LEPR: variants seen among roughly 807,000 people sequenced by gnomAD.
LEPR encodes leptin receptor, also known as OB receptor.
A neutral mutation model predicts 114.7 loss-of-function variants in LEPR; 56 were observed. The ratio of observed to expected loss-of-function variants is 0.49; its 90% CI spans 0.39 to 0.61. The LOEUF is 0.61. Ranked by LOEUF, LEPR falls within the 20% of genes least tolerant of loss-of-function variation. The pLI, the probability that LEPR is intolerant of heterozygous loss-of-function variation, is 0.00. For synonymous variants in LEPR, 443 were observed against 461.4 expected (o/e 0.96, Z 0.51); for missense variants, 1,202 against 1,352.9 (o/e 0.89, Z 1.75).
chr1:65,491,412 G>A (rs185858362), intron 2 of LEPR, among the ~76,000 whole-genome samples: 4 of 152,184 alleles, frequency 2.6e-5, no homozygotes, highest in South Asian at 2.1e-4. Context: ...AAAATCTAAC[G>A]AGCTTATGTT....
intron 7 of LEPR, among the ~76,000 whole-genome samples, chr1:65,598,227 C>G (rs889174240): frequency 4.0e-5 from 6 of 151,368 alleles, no homozygotes; most frequent in African/African-American, 1.5e-4. Flanking sequence ...AGCCACCATG[C>G]CTGACCAGGC....
At chr1:65,475,008 A>G in intron 2 of LEPR, among the ~76,000 whole-genome samples, 1 of 118,412 alleles carries the variant, frequency 8.4e-6, no homozygotes, top group Non-Finnish European at 1.7e-5. Flanking sequence ...CTCCATCTCA[A>G]AAAAAAAAAA....
intron 2 of LEPR, among the ~76,000 whole-genome samples, chr1:65,454,219 G>A (rs569165701): frequency 1.3e-5 from 2 of 152,174 alleles, no homozygotes; most frequent in African/African-American, 4.8e-5. Context: ...ACACTGATGG[G>A]TCTTGACTCC....
At chr1:65,555,324 A>C (rs973667425) in intron 2 of LEPR, among the ~76,000 whole-genome samples, 1 of 152,238 alleles carries the variant, frequency 6.6e-6, no homozygotes, top group African/African-American at 2.4e-5. Flanking sequence ...CAACTTCAGC[A>C]ATCAGTTTGA....
At chr1:65,472,865 C>T (rs1417192748) in intron 2 of LEPR, among the ~76,000 whole-genome samples, 1 of 152,156 alleles carries the variant, frequency 6.6e-6, no homozygotes, top group African/African-American at 2.4e-5. Context: ...TGAAGCAAAG[C>T]ACATCTGTTC....
chr1:65,510,044 A>T (rs941543983), intron 2 of LEPR, among the ~76,000 whole-genome samples: 6 of 152,202 alleles, frequency 3.9e-5, no homozygotes, highest in Admixed American at 2.0e-4. Flanking sequence ...GATGGAAACC[A>T]CCCTATGGAA....
intron 14 of LEPR, among the ~76,000 whole-genome samples, chr1:65,610,985 C>T (rs1259770593): frequency 6.6e-6 from 1 of 152,122 alleles, no homozygotes; most frequent in Non-Finnish European, 1.5e-5. Flanking sequence ...AAGACCAAAG[C>T]CTCTGTAAAA....
chr1:65,588,646 CCTA>C (rs1366273821), intron 5 of LEPR, among the ~76,000 whole-genome samples: 1 of 152,020 alleles, frequency 6.6e-6, no homozygotes, highest in African/African-American at 2.4e-5. Flanking sequence ...TAGCACATAG[CCTA>C]CTATTACTCT....
chr1:65,564,954 G>T (rs374659470), intron 2 of LEPR, among the ~76,000 whole-genome samples: 1 of 152,198 alleles, frequency 6.6e-6, no homozygotes, highest in Non-Finnish European at 1.5e-5. Flanking sequence ...CGGACTTCAT[G>T]TGGGTATATT....
At chr1:65,535,236 ATGTTATCTCTT>A (rs1359095730) in intron 2 of LEPR, among the ~76,000 whole-genome samples, 6 of 151,524 alleles carry the variant, frequency 4.0e-5, no homozygotes, top group Non-Finnish European at 5.9e-5. Flanking sequence ...TAGTAGTAAG[ATGTTATCTCTT>A]AGAATTATGG....
chr1:65,598,709 C>A lies in LEPR; in HGVS notation c.899C>A (p.Pro300His), dbSNP rs752809639. 1.2e-6 allele frequency: 2 copies of A among 1,613,482 alleles called. No individual in the cohort carries two copies. Among genetic ancestry groups the A allele is most frequent in the Non-Finnish European group, 1.7e-6 (2 of 1,179,638 alleles). ...TCCCTGCTAGTAGACAGTATACTTC[C>A]TGGGTCTTCGTATGAGGTTCAGGTG... ...ATSLLVDSILPGSSYEVQVRG... is the reference protein window; with the variant it reads ...ATSLLVDSILHGSSYEVQVRG... Residue 300 changes from proline to histidine, a missense_variant, in exon 8 of 20, where the codon CCT (proline) becomes CAT (histidine). Transcript: ENST00000349533.
chr1:65,460,439 A>G (rs749973391), intron 2 of LEPR, among the ~76,000 whole-genome samples: 12 of 151,894 alleles, frequency 7.9e-5, no homozygotes, highest in Non-Finnish European at 1.5e-4. Flanking sequence ...CTCATTACCC[A>G]TTTTTTTCTT....
Position 65,437,904 on chromosome 1 carries a change from C to G in LEPR, c.-21+12526C>G, listed in dbSNP as rs569399352. On this transcript the variant is annotated intron_variant, in intron 2 of 19. Transcript: ENST00000349533. ...GGCTCACTGCAAACCTTAACCTGAG[C>G]GCAAGGGTTCCTCCCACTTCTACCT... 1.6e-4 allele frequency among the ~76,000 whole-genome samples: 24 copies of G among 151,768 alleles called. No individual in the cohort carries two copies. In the South Asian group the frequency reaches 5.0e-3, roughly 32 times the overall value.
At chr1:65,570,336 A>T in intron 3 of LEPR, 137 bp from the exon 4 acceptor site, 1 of 773,638 alleles carries the variant, frequency 1.3e-6, no homozygotes, top group Non-Finnish European at 2.0e-6. Flanking sequence ...GCACAAAGTT[A>T]TTCATTAGAC....
intron 2 of LEPR, among the ~76,000 whole-genome samples, chr1:65,460,252 G>A (rs1264732351): frequency 6.6e-6 from 1 of 152,138 alleles, no homozygotes; most frequent in Non-Finnish European, 1.5e-5. Context: ...GAGAGAGAAA[G>A]TAACTTTCCC....
chr1:65,530,927 A>G (rs2100617959), intron 2 of LEPR, among the ~76,000 whole-genome samples: 1 of 150,630 alleles, frequency 6.6e-6, no homozygotes, highest in African/African-American at 2.4e-5. Flanking sequence ...AAGGACCTCC[A>G]AACTGGTCTC....
chr1:65,571,806 A>T (rs1654188173), intron 4 of LEPR, among the ~76,000 whole-genome samples: 1 of 148,302 alleles, frequency 6.7e-6, no homozygotes. Context: ...AAAAAAAAAA[A>T]AAAAAAAAAA....
rs926680214 is a variant in LEPR at position 65,621,805 on chromosome 1, C to T, written c.2597+347C>T. On this transcript the variant is annotated intron_variant, in intron 18 of 19. Transcript: ENST00000349533. The stretch of plus-strand genomic sequence containing the variant: ...ATGTATTGGTTTTAGGGTGAGGGGG[C>T]TTATCACAAGCTTGGAATGTTTATG... Among the ~76,000 whole-genome samples, 7 of 152,006 alleles carry T rather than the reference C, an allele frequency of 4.6e-5. No individual in the cohort carries two copies. The South Asian group carries it at 1.5e-3, about 32-fold the overall frequency.
intron 2 of LEPR, among the ~76,000 whole-genome samples, chr1:65,460,623 GC>G (rs1646932918): frequency 6.6e-6 from 1 of 152,110 alleles, no homozygotes; most frequent in Admixed American, 6.5e-5. Flanking sequence ...GATGGCTCAC[GC>G]TTGGAATCCT....
Sources: allele counts gnomAD v4.1 joint callset (sites outside exome capture counted in the v4.1 genomes callset), GRCh38; gene constraint gnomAD v4.1.1; transcripts MANE v1.5; gene names NCBI Gene and HGNC (gene_info 2026-07-23, HGNC 2026-07-21).